The following CACNA1H variants were observed in gnomAD, a reference collection of about 807,000 sequenced individuals.
The protein encoded by CACNA1H is calcium voltage-gated channel subunit alpha1 H, also known as voltage-dependent T-type calcium channel subunit alpha-1H.
CACNA1H carries 149 observed loss-of-function variants against 192.5 expected under a neutral mutation model. That is an observed-to-expected ratio of 0.77 (90% confidence interval 0.68 to 0.89). The LOEUF (loss-of-function observed/expected upper bound fraction) is 0.89. Ranked by LOEUF, CACNA1H falls within the 40% of genes least tolerant of loss-of-function variation. The pLI, the probability that CACNA1H is intolerant of heterozygous loss-of-function variation, is 0.00. For missense variants in CACNA1H, 4,257 were observed against 3,423.5 expected (o/e 1.24, Z -6.08); for synonymous variants, 2,202 against 1,475.2 (o/e 1.49, Z -11.29).
At chr16:1,165,891 C>CAAG (rs1268712530) in intron 2 of CACNA1H, among the ~76,000 whole-genome samples, 5 of 152,160 alleles carry the variant, frequency 3.3e-5, no homozygotes, top group African/African-American at 1.2e-4. Context: ...TCCTCTGGCC[C>CAAG]CTGCTTGGGT....
chr16:1,166,680 A>G (rs1470693836), intron 2 of CACNA1H, among the ~76,000 whole-genome samples: 2 of 151,814 alleles, frequency 1.3e-5, no homozygotes, highest in Admixed American at 6.6e-5. Context: ...TTCCCTGTAT[A>G]TGGGATCCCA....
rs1965389363 is a variant in CACNA1H, at chr16:1,180,805, G to A, written c.300-14167G>A. ...CCTTAGGTGAAGAGGACCAGAGTGAGGTCAGCCCTGGTCCACAGCCACCCC... is the reference window on the plus strand; with the variant it reads ...CCTTAGGTGAAGAGGACCAGAGTGAAGTCAGCCCTGGTCCACAGCCACCCC... On this transcript the variant is annotated intron_variant, in intron 2 of 34. Transcript: ENST00000348261. The surrounding 1 kb of genome is among the most constrained non-coding windows in gnomAD (Gnocchi z 4.4). Among the ~76,000 whole-genome samples the A allele has an allele frequency of 6.6e-6, 1 of 152,152 alleles. No individual in the cohort carries two copies. The highest frequency in any genetic ancestry group is 2.4e-5 in the African/African-American group (1 of 41,440).
intron 2 of CACNA1H, among the ~76,000 whole-genome samples, chr16:1,158,590 G>T (rs1412378982): frequency 6.6e-6 from 1 of 152,194 alleles, no homozygotes; most frequent in Non-Finnish European, 1.5e-5. Flanking sequence ...TCACCCTCCG[G>T]GTCGGGGCTA....
rs774116060 is a variant in CACNA1H at position 1,220,650 on chromosome 16, G to A, written c.6718G>A (p.Ala2240Thr). The change falls in exon 35 of 35, where the codon GCC becomes ACC. Residue 2240 changes from alanine to threonine, a missense_variant. Physicochemically the swap from Ala to Thr is moderately conservative, Grantham distance 58. Coordinates refer to ENST00000348261, the MANE Select transcript of CACNA1H (RefSeq NM_021098.3). ...DSLEPTEGSG[A>T]GGDPAAKGER... is the part of the protein sequence containing the mutation. ...CCTGGAGCCCACAGAGGGCTCAGGCGCCGGGGGGGACCCTGCAGCCAAGGG... is the reference window on the plus strand; with the variant it reads ...CCTGGAGCCCACAGAGGGCTCAGGCACCGGGGGGGACCCTGCAGCCAAGGG... 6.5e-5 allele frequency: 104 copies of A among 1,604,084 alleles called. No homozygotes were observed. Among genetic ancestry groups the A allele is most frequent in the Admixed American group, 2.4e-4 (14 of 58,696 alleles).
intron 2 of CACNA1H, among the ~76,000 whole-genome samples, chr16:1,193,401 C>T (rs1966786683): frequency 6.6e-6 from 1 of 152,268 alleles, no homozygotes; most frequent in Non-Finnish European, 1.5e-5. Context: ...GCCTCGGCTC[C>T]TGCCCCCACC....
chr16:1,154,666 G>A (rs1962062738), intron 2 of CACNA1H, among the ~76,000 whole-genome samples: 1 of 152,196 alleles, frequency 6.6e-6, no homozygotes. Flanking sequence ...TAGGGGGCAG[G>A]GAGGCAATTG....
intron 9 of CACNA1H, among the ~76,000 whole-genome samples, chr16:1,203,366 G>C (rs920055558): frequency 2.6e-5 from 4 of 151,922 alleles, no homozygotes; most frequent in Non-Finnish European, 5.9e-5. Flanking sequence ...TCGCCTGTGT[G>C]CTGTGGCTGC....
chr16:1,214,122 C>T (rs550351355), intron 27 of CACNA1H, among the ~76,000 whole-genome samples, 191 bp downstream of exon 27: 11 of 151,976 alleles, frequency 7.2e-5, no homozygotes, highest in Non-Finnish European at 1.5e-5. Flanking sequence ...CCTTGGGGCC[C>T]CTCCCCAACC....
chr16:1,194,910 G>T, intron 2 of CACNA1H, 62 bp from the exon 3 acceptor site: 2 of 1,248,726 alleles, frequency 1.6e-6, no homozygotes, highest in Non-Finnish European at 2.3e-6. Flanking sequence ...GTGGGCATTT[G>T]GAGGGCCCCA....
At chr16:1,206,434 C>T (rs1968720827) in intron 12 of CACNA1H, 145 bp downstream of exon 12, 5 of 718,180 alleles carry the variant, frequency 7.0e-6, no homozygotes, top group Non-Finnish European at 9.1e-6. Flanking sequence ...CTGCTGCCTT[C>T]ATTTGAGAAG....
At position 1,180,859 on chromosome 16, in the gene CACNA1H, C is replaced by T. The variant is rs963040660; in HGVS notation, c.300-14113C>T. On this transcript the variant is annotated intron_variant, in intron 2 of 34. Transcript: ENST00000348261. This position sits in a 1 kb window ranked among gnomAD's most constrained non-coding sequence, Gnocchi z 4.4. ...CTGGACTCCCCGGGCCAGCACCCGA[C>T]CTGGCCGCCAGCGTGCTGAGGACAG... Among the ~76,000 whole-genome samples, 2 of 152,198 alleles carry T rather than the reference C, an allele frequency of 1.3e-5. No homozygotes were observed. The highest frequency in any genetic ancestry group is 2.9e-5 in the Non-Finnish European group (2 of 68,012).
chr16:1,192,476 C>T (rs957446019), intron 2 of CACNA1H, among the ~76,000 whole-genome samples: 7 of 152,260 alleles, frequency 4.6e-5, no homozygotes, highest in South Asian at 2.1e-4. Context: ...TGGCCCCTTC[C>T]CTTCTGTCCC....
intron 34 of CACNA1H, 148 bp from the exon 35 acceptor site, chr16:1,219,833 C>T (rs1970338733): frequency 6.0e-6 from 3 of 499,590 alleles, no homozygotes. Context: ...CAGCGGCTTC[C>T]AGCCCCATCT....
intron 31 of CACNA1H, 38 bp from the exon 32 acceptor site, chr16:1,217,881 C>T (rs58289422): frequency 5.3e-5 from 82 of 1,561,218 alleles, no homozygotes; most frequent in South Asian, 4.7e-4. Context: ...CCACCCGGAG[C>T]GGGCTCGGCT....
intron 2 of CACNA1H, among the ~76,000 whole-genome samples, chr16:1,155,773 T>G (rs1259549681): frequency 6.6e-6 from 1 of 152,090 alleles, no homozygotes; most frequent in African/African-American, 2.4e-5. Flanking sequence ...CCAAGGAGGT[T>G]GTTTGCGTTG....
In CACNA1H at chr16:1,220,051, C is replaced by T. The variant is rs776422410; in HGVS notation, c.6119C>T (p.Pro2040Leu). 1.1e-5 allele frequency: 16 copies of T among 1,429,094 alleles called. No homozygotes were observed. In the Admixed American group the frequency reaches 4.5e-4, roughly 41 times the overall value. 88.5% of individuals were successfully genotyped at this position (1,429,094 alleles called of 1,614,324 possible). ...AGGGACACCCTGGATCCTGCAGAGC[C>T]TGGTGAGAAAACCCCGGTGAGGCCG... ...SPRDTLDPAEPGEKTPVRPVT... is the reference protein window; with the variant it reads ...SPRDTLDPAELGEKTPVRPVT... The change falls in exon 35 of 35, where the codon CCT becomes CTT. Residue 2040 changes from proline (P) to leucine (L), a missense_variant. Physicochemically the swap from Pro to Leu is moderately conservative, Grantham distance 98. Transcript: ENST00000348261.
chr16:1,166,316 C>T (rs1179833717), intron 2 of CACNA1H, among the ~76,000 whole-genome samples: 1 of 152,214 alleles, frequency 6.6e-6, no homozygotes, highest in Non-Finnish European at 1.5e-5. Flanking sequence ...GGCTCAGACC[C>T]TGCTCAGCTC....
At chr16:1,201,298 C>T (rs35987858) in intron 8 of CACNA1H, among the ~76,000 whole-genome samples, 15,410 of 152,150 alleles carry the variant, frequency 0.1, 977 homozygotes, top group South Asian at 0.14. Context: ...TAGAGACTTG[C>T]TGCACGCTGG....
At position 1,201,917 on chromosome 16, in the gene CACNA1H, G is replaced by A. The variant is rs926991773; in HGVS notation, c.1467G>A (p.Lys489=). 1.3e-6 allele frequency: 2 copies of A among 1,550,194 alleles called. No homozygotes were observed. Among genetic ancestry groups the A allele is most frequent in the Non-Finnish European group, 1.7e-6 (2 of 1,146,966 alleles). Residue 489 remains lysine (K), a synonymous_variant, in exon 9 of 35, where the codon AAG becomes AAA. Transcript: ENST00000348261. ...GCTGGCAGAGCCGCTGGCGCAAGAA[G>A]GTGGACCCCAGTGCTGTGCAAGGCC... is the stretch of plus-strand genomic sequence containing the variant. ...YARWQSRWRK[K]VDPSAVQGQG...
Sources: allele counts gnomAD v4.1 joint callset (sites outside exome capture counted in the v4.1 genomes callset), GRCh38; gene constraint gnomAD v4.1.1; non-coding constraint Gnocchi (gnomAD v3.1); transcripts MANE v1.5; gene names NCBI Gene and HGNC (gene_info 2026-07-23, HGNC 2026-07-21).